Variants in PLD1 observed in about 807,000 individuals in gnomAD.
PLD1 encodes the protein phospholipase D1.
A neutral mutation model predicts 137.1 loss-of-function variants in PLD1; 112 were observed. The ratio of observed to expected loss-of-function variants is 0.82; its 90% CI spans 0.70 to 0.96. The LOEUF (loss-of-function observed/expected upper bound fraction) is 0.96. PLD1 is among the 40% of genes least tolerant of loss of function. PLD1 has a pLI of 0.00. For synonymous variants in PLD1, 431 were observed against 454.7 expected (o/e 0.95, Z 0.66); for missense variants, 1,321 against 1,342.0 (o/e 0.98, Z 0.24).
intron 23 of PLD1, among the ~76,000 whole-genome samples, chr3:171,638,415 AT>A (rs1560168682): frequency 2.0e-5 from 3 of 152,094 alleles, no homozygotes; most frequent in African/African-American, 7.2e-5. Flanking sequence ...GGTGATAGGA[AT>A]TTTTCAGCTC....
In PLD1 at chr3:171,722,656, T is replaced by C. The variant is rs576660535; in HGVS notation, c.758+2040A>G. Among the ~76,000 whole-genome samples the C allele has an allele frequency of 1.4e-4, 21 of 152,316 alleles. 1 individual carries two copies. The highest frequency in any genetic ancestry group is 5.1e-4 in the African/African-American group (21 of 41,578). On this transcript the variant is annotated intron_variant, in intron 8 of 26. Transcript: ENST00000351298. ...TTGTAGCATGTATCAGAACTTCATA[T>C]CCTTTTCCATTTAATTTTTAGATTT...
chr3:171,601,748 C>A lies in PLD1; in HGVS notation c.*1330G>T, dbSNP rs1448294135. Reference sequence around the variant, plus strand: ...AATCCATAGACATGTATAATCATTACACCTGCATTTTGTTTTACAGGTACA... The same window carrying A: ...AATCCATAGACATGTATAATCATTAAACCTGCATTTTGTTTTACAGGTACA... On this transcript the variant is annotated 3_prime_UTR_variant, in exon 27 of 27. Transcript: ENST00000351298. 2.6e-5 allele frequency: 4 copies of A among 152,188 alleles called. No individual in the cohort carries two copies. Among genetic ancestry groups the A allele is most frequent in the Admixed American group, 2.6e-4 (4 of 15,282 alleles). 9.4% of individuals were successfully genotyped at this position (152,188 alleles called of 1,614,324 possible).
intron 8 of PLD1, among the ~76,000 whole-genome samples, chr3:171,718,706 C>T (rs1423216783): frequency 1.3e-5 from 2 of 152,134 alleles, no homozygotes; most frequent in African/African-American, 4.8e-5. Flanking sequence ...TCCAATTCCA[C>T]CTGCCACTCA....
chr3:171,714,070 TA>T, intron 8 of PLD1, 25 bp from the exon 9 acceptor site: 1 of 1,480,334 alleles, frequency 6.8e-7, no homozygotes, highest in Non-Finnish European at 9.4e-7. Flanking sequence ...TAAGTATTTT[TA>T]AAAGTTGCAT....
chr3:171,641,320 A>T (rs1735721542), intron 23 of PLD1, among the ~76,000 whole-genome samples: 1 of 152,170 alleles, frequency 6.6e-6, no homozygotes, highest in African/African-American at 2.4e-5. Flanking sequence ...AAAGAAGTTG[A>T]TTGTGACAAC....
chr3:171,673,758 C>T (rs1234221891), intron 19 of PLD1, among the ~76,000 whole-genome samples: 3 of 152,202 alleles, frequency 2.0e-5, no homozygotes, highest in Non-Finnish European at 4.4e-5. Flanking sequence ...TGATATGTAG[C>T]AGTAGCAGAC....
At chr3:171,738,674 T>C (rs1719559367) in intron 1 of PLD1, among the ~76,000 whole-genome samples, 1 of 152,206 alleles carries the variant, frequency 6.6e-6, no homozygotes, top group African/African-American at 2.4e-5. Flanking sequence ...GACGTATGTG[T>C]CTTGAAAGGA....
In PLD1 at chr3:171,708,759, A is replaced by C; in HGVS notation, c.1141T>G (p.Trp381Gly). ...EANEEIFITD[W>G]WLSPEIFLKR... ...TTCCCAGGGACAAATACTAACCACC[A>C]GTCTGTGATAAAAATCTCTTCATTT... The change falls in exon 11 of 27, where the codon TGG (tryptophan) becomes GGG (glycine). Residue 381 changes from tryptophan (W) to glycine (G), a missense_variant. Physicochemically the swap from Trp to Gly is radical, Grantham distance 184. Coordinates refer to ENST00000351298, the MANE Select transcript of PLD1 (RefSeq NM_002662.5). The C allele has an allele frequency of 6.4e-7, 1 of 1,562,084 alleles. No homozygotes were observed. Among genetic ancestry groups the C allele is most frequent in the Non-Finnish European group, 8.8e-7 (1 of 1,132,530 alleles).
At chr3:171,610,024 AT>A (rs1732529269) in intron 25 of PLD1, among the ~76,000 whole-genome samples, 1 of 152,240 alleles carries the variant, frequency 6.6e-6, no homozygotes, top group South Asian at 2.1e-4. Flanking sequence ...AAAAATGTGA[AT>A]TAAAATGGTG....
intron 1 of PLD1, among the ~76,000 whole-genome samples, chr3:171,776,293 C>T (rs1176284465): frequency 6.6e-6 from 1 of 152,192 alleles, no homozygotes; most frequent in Non-Finnish European, 1.5e-5. Flanking sequence ...CTCCCTCATA[C>T]CACACTAGCT....
chr3:171,688,679 G>T lies in PLD1; in HGVS notation c.1536C>A (p.Leu512=). 1 of 1,610,814 alleles carries T rather than the reference G, an allele frequency of 6.2e-7. No homozygotes were observed. The highest frequency in any genetic ancestry group is 8.5e-7 in the Non-Finnish European group (1 of 1,177,012). ...RVTSGPSLGS[L]PPAAMESMES... The stretch of plus-strand genomic sequence containing the variant: ...CATAAAGGTTAAATATACTTACTGG[G>T]AGGGAACCCAGAGACGGTCCTGAAG... The change falls in exon 14 of 27, where the codon CTC becomes CTA. Residue 512 remains leucine (L), a synonymous_variant. Coordinates refer to ENST00000351298, the MANE Select transcript of PLD1 (RefSeq NM_002662.5).
At chr3:171,763,877 A>T (rs1353284675) in intron 1 of PLD1, among the ~76,000 whole-genome samples, 1 of 125,464 alleles carries the variant, frequency 8.0e-6, no homozygotes, top group African/African-American at 3.1e-5. Context: ...CTCTGTCTCC[A>T]TGCCGATGAA....
rs758110993 is a variant in PLD1 at position 171,688,796 on chromosome 3, C to T, written c.1419G>A (p.Ser473=). The T allele has an allele frequency of 7.4e-6, 12 of 1,613,896 alleles. No individual in the cohort carries two copies. Among genetic ancestry groups the T allele is most frequent in the South Asian group, 2.2e-5 (2 of 91,080 alleles). ...HHEKLVIIDQ[S]VAFVGGIDLA... ...GGTCAATCCCTCCCACAAAGGCCAC[C>T]GATTGGTCAATGATGACAAGCTTCT... Residue 473 remains serine, a synonymous_variant, in exon 14 of 27, where the codon TCG becomes TCA. Coordinates refer to ENST00000351298, the MANE Select transcript of PLD1 (RefSeq NM_002662.5).
At chr3:171,662,449 A>G (rs1711597670) in intron 19 of PLD1, among the ~76,000 whole-genome samples, 1 of 152,164 alleles carries the variant, frequency 6.6e-6, no homozygotes, top group African/African-American at 2.4e-5. Flanking sequence ...ATTTTCATTC[A>G]AAACTGGAAA....
intron 12 of PLD1, among the ~76,000 whole-genome samples, chr3:171,697,628 C>T (rs1578303027): frequency 6.6e-6 from 1 of 152,122 alleles, no homozygotes; most frequent in Non-Finnish European, 1.5e-5. Flanking sequence ...TGTGATGAAC[C>T]ACCCTACCGT....
intron 1 of PLD1, among the ~76,000 whole-genome samples, chr3:171,774,461 G>A (rs1722522994): frequency 6.6e-6 from 1 of 152,212 alleles, no homozygotes; most frequent in East Asian, 1.9e-4. Context: ...AGAAGAAAAT[G>A]CTGTGAGGAA....
At chr3:171,769,438 ATAAT>A (rs898556742) in intron 1 of PLD1, among the ~76,000 whole-genome samples, 5 of 152,376 alleles carry the variant, frequency 3.3e-5, no homozygotes, top group Non-Finnish European at 5.9e-5. Context: ...ATATCATTTA[ATAAT>A]TAATAATTGC....
intron 9 of PLD1, among the ~76,000 whole-genome samples, chr3:171,712,862 A>G (rs1717379793): frequency 6.6e-6 from 1 of 152,224 alleles, no homozygotes; most frequent in Admixed American, 6.5e-5. Flanking sequence ...TCCAGTCACA[A>G]TCTTAAATGT....
chr3:171,757,464 G>A (rs919978211), intron 1 of PLD1, among the ~76,000 whole-genome samples: 1 of 152,034 alleles, frequency 6.6e-6, no homozygotes, highest in Non-Finnish European at 1.5e-5. Context: ...CTCCTCAAAG[G>A]CACACACACA....
Sources: gnomAD v4.1 joint callset for allele counts (sites outside exome capture counted in the v4.1 genomes callset) on GRCh38, gnomAD v4.1.1 for gene constraint, MANE v1.5 for transcripts, NCBI Gene and HGNC (gene_info 2026-07-23, HGNC 2026-07-21) for gene names.